HERC6: variants seen among roughly 807,000 people sequenced by gnomAD.
HERC6 encodes probable E3 ubiquitin-protein ligase HERC6.
HERC6 carries 101 observed loss-of-function variants against 114.5 expected under a neutral mutation model. The ratio of observed to expected loss-of-function variants is 0.88; its 90% CI spans 0.75 to 1.04. The LOEUF is 1.04. Among genes scored for constraint, HERC6 ranks in the 50% least tolerant of loss-of-function variants. The pLI, the probability that HERC6 is intolerant of heterozygous loss-of-function variation, is 0.00. For synonymous variants in HERC6, 408 were observed against 436.2 expected (o/e 0.94, Z 0.81); for missense variants, 1,133 against 1,230.9 (o/e 0.92, Z 1.19).
At chr4:88,429,079 G>A (rs556721030) in intron 16 of HERC6, among the ~76,000 whole-genome samples, 1 of 152,314 alleles carries the variant, frequency 6.6e-6, no homozygotes, top group Non-Finnish European at 1.5e-5. Context: ...TCATCTGGGT[G>A]GCTTTGCAAA....
At chr4:88,384,231 C>T in intron 2 of HERC6, among the ~76,000 whole-genome samples, 1 of 152,150 alleles carries the variant, frequency 6.6e-6, no homozygotes, top group Non-Finnish European at 1.5e-5. Context: ...ATTAAGGTGA[C>T]ATATATAAAA....
chr4:88,408,667 A>G lies in HERC6; in HGVS notation c.1368+50A>G. On this transcript the variant is annotated intron_variant, in intron 11 of 22. Transcript: ENST00000264346. ...TATAGAACAAATACGATTGCAGTTT[A>G]TTTTTGTTGGAAGCTGGGTGAGATG... 1.1e-5 allele frequency: 13 copies of G among 1,233,188 alleles called. 1 individual carries two copies. Among genetic ancestry groups the G allele is most frequent in the Non-Finnish European group, 1.5e-5 (13 of 858,914 alleles). The allele number at this position is 1,233,188 out of a possible 1,614,324, so 76.4% of individuals were successfully genotyped here.
chr4:88,383,248 T>C lies in HERC6; in HGVS notation c.227T>C (p.Ile76Thr), dbSNP rs774374759. ...CCAATTCAGGCATTGGAAACCCTAATTGTTGATCTCGTGAGCTGCGGGAAG... is the reference window on the plus strand; with the variant it reads ...CCAATTCAGGCATTGGAAACCCTAACTGTTGATCTCGTGAGCTGCGGGAAG... ...PEPIQALETL[I>T]VDLVSCGKEH... The change falls in exon 2 of 23, where the codon ATT becomes ACT. Residue 76 changes from isoleucine (I) to threonine (T), a missense_variant. Around this residue, in one of 3 missense-constraint regions of HERC6, gnomAD observed 735 missense variants for 754.0 expected, o/e 0.97. Coordinates refer to ENST00000264346, the MANE Select transcript of HERC6 (RefSeq NM_017912.4). The C allele has an allele frequency of 5.0e-6, 8 of 1,610,130 alleles. No homozygotes were observed. The highest frequency in any genetic ancestry group is 5.1e-6 in the Non-Finnish European group (6 of 1,178,346).
At chr4:88,399,712 GT>G (rs1735435974) in intron 8 of HERC6, 1 of 151,744 alleles carries the variant, frequency 6.6e-6, no homozygotes, top group African/African-American at 2.4e-5. Flanking sequence ...GGAGGTTGCA[GT>G]GGGCTGAGAT....
chr4:88,396,934 A>C lies in HERC6; in HGVS notation c.971A>C (p.His324Pro). The change falls in exon 7 of 23, where the codon CAT (histidine) becomes CCT (proline). Residue 324 changes from histidine (H) to proline (P), a missense_variant. Physicochemically the swap from His to Pro is moderately conservative, Grantham distance 77 (BLOSUM62 -2). Around this residue, in one of 3 missense-constraint regions of HERC6, gnomAD observed 735 missense variants for 754.0 expected, o/e 0.97. Transcript: ENST00000264346. ...CCAAGTGACACAAGCAAGCCAACTC[A>C]TCCGGAGGCCCTGACAGAGAACTTT... ...HGPSDTSKPT[H>P]PEALTENFDI... 1 of 1,612,488 alleles carries C rather than the reference A, an allele frequency of 6.2e-7. No homozygotes were observed. Among genetic ancestry groups the C allele is most frequent in the Non-Finnish European group, 8.5e-7 (1 of 1,178,970 alleles).
At chr4:88,384,858 A>G (rs1278248185) in intron 2 of HERC6, among the ~76,000 whole-genome samples, 1 of 152,002 alleles carries the variant, frequency 6.6e-6, no homozygotes, top group African/African-American at 2.4e-5. Flanking sequence ...CGTCTATACT[A>G]AAAATACAAA....
chr4:88,394,236 A>G (rs549278074), intron 5 of HERC6, among the ~76,000 whole-genome samples: 64 of 152,194 alleles, frequency 4.2e-4, no homozygotes, highest in African/African-American at 1.5e-3. Context: ...GCACTTTGGG[A>G]GGCCAAGGCG....
In HERC6 at chr4:88,441,137, T is replaced by C. The variant is rs183499868; in HGVS notation, c.2842+887T>C. On this transcript the variant is annotated intron_variant, in intron 22 of 22. Coordinates refer to ENST00000264346, the MANE Select transcript of HERC6 (RefSeq NM_017912.4). ...CTCTTTCCTCACTTCAGCTGGCTCC[T>C]AAGCCTTTTATCTCATGTTCCTATC... 4.3e-3 allele frequency among the ~76,000 whole-genome samples: 658 copies of C among 152,286 alleles called. 3 individuals are homozygous for C. Among genetic ancestry groups the C allele is most frequent in the Non-Finnish European group, 7.4e-3 (505 of 68,018 alleles).
At position 88,408,532 on chromosome 4, in the gene HERC6, GA is replaced by G; in HGVS notation, c.1284del (p.Glu429LysfsTer9). 6.3e-7 allele frequency: 1 copy of G among 1,594,670 alleles called. No homozygotes were observed. The highest frequency in any genetic ancestry group is 1.1e-5 in the South Asian group (1 of 87,704). ...TASFLKKRGT[G>X]ETTSIDVDLE... ...ATTTCTTGTATCCAAAGAGGAACTG[GA>G]GAAACGACTTCCATTGATGTGGACT... On this transcript the variant is annotated frameshift_variant, in exon 11 of 23. Transcript: ENST00000264346. LOFTEE classifies it high-confidence loss of function.
intron 2 of HERC6, 100 bp downstream of exon 2, chr4:88,383,480 C>A: frequency 1.1e-6 from 1 of 920,700 alleles, no homozygotes; most frequent in Non-Finnish European, 1.5e-6. Flanking sequence ...TATGACAGGC[C>A]AGCTGCAGTG....
At position 88,408,514 on chromosome 4, in the gene HERC6, G is replaced by C; in HGVS notation, c.1275-10G>C. The C allele has an allele frequency of 6.5e-7, 1 of 1,549,268 alleles. No individual in the cohort carries two copies. The highest frequency in any genetic ancestry group is 8.8e-7 in the Non-Finnish European group (1 of 1,130,416). On this transcript the variant is annotated splice_polypyrimidine_tract_variant and intron_variant, in intron 10 of 22. Coordinates refer to ENST00000264346, the MANE Select transcript of HERC6 (RefSeq NM_017912.4). ...GTTTATGTGGTTTCTTGCATTTCTT[G>C]TATCCAAAGAGGAACTGGAGAAACG...
intron 4 of HERC6, among the ~76,000 whole-genome samples, chr4:88,392,538 T>C (rs1734976310): frequency 2.0e-5 from 3 of 152,176 alleles, no homozygotes; most frequent in African/African-American, 7.2e-5. Context: ...AGAGCATCTA[T>C]TGTGTGACAG....
chr4:88,381,626 C>T (rs187614936), intron 1 of HERC6, among the ~76,000 whole-genome samples: 26 of 143,552 alleles, frequency 1.8e-4, no homozygotes, highest in Non-Finnish European at 3.3e-4. Context: ...GGCACTATCT[C>T]GGCTCACTGC....
At chr4:88,427,753 C>T (rs1737773194) in intron 15 of HERC6, among the ~76,000 whole-genome samples, 1 of 152,126 alleles carries the variant, frequency 6.6e-6, no homozygotes, top group African/African-American at 2.4e-5. Context: ...CTTGCTGTCA[C>T]GATTTCAGGA....
rs1410124169 is a variant in HERC6 at position 88,390,523 on chromosome 4, T to C, written c.437-129T>C. On this transcript the variant is annotated intron_variant, in intron 3 of 22. Transcript: ENST00000264346. ...AGCTCATCATATTGTATACCTTAAA[T>C]AGATGAAATTTTTATTTGTCAATTA... The C allele has an allele frequency of 2.2e-5, 18 of 813,168 alleles. No homozygotes were observed. The Admixed American group carries it at 5.0e-4, about 23-fold the overall frequency. 50.4% of individuals were successfully genotyped at this position (813,168 alleles called of 1,614,324 possible). A position where few individuals can be genotyped will look rare whatever the true frequency, so the allele number is the denominator to read the frequency against.
At chr4:88,430,359 A>C (rs547310245) in intron 16 of HERC6, among the ~76,000 whole-genome samples, 1 of 151,940 alleles carries the variant, frequency 6.6e-6, no homozygotes, top group East Asian at 1.9e-4. Flanking sequence ...GTGGGGGCCA[A>C]GGTGGGCGGA....
intron 13 of HERC6, among the ~76,000 whole-genome samples, chr4:88,418,899 G>A (rs1736768260): frequency 6.6e-6 from 1 of 152,052 alleles, no homozygotes; most frequent in Non-Finnish European, 1.5e-5. Context: ...GATAATTTTT[G>A]TATGTTTAAT....
intron 17 of HERC6, among the ~76,000 whole-genome samples, chr4:88,433,092 A>C (rs1163869770): frequency 2.6e-5 from 4 of 152,314 alleles, no homozygotes; most frequent in African/African-American, 4.8e-5. Flanking sequence ...CATCTCAAAA[A>C]AGAAAAGTAA....
At chr4:88,399,382 A>G (rs577407197) in intron 8 of HERC6, 1 of 152,324 alleles carries the variant, frequency 6.6e-6, no homozygotes, top group South Asian at 2.1e-4. Context: ...TGCCTGGGAC[A>G]AAAGTGAATA....
Sources: allele counts gnomAD v4.1 joint callset (sites outside exome capture counted in the v4.1 genomes callset), GRCh38; gene constraint gnomAD v4.1.1; regional missense constraint gnomAD v4.1.1; transcripts MANE v1.5; gene names NCBI Gene and HGNC (gene_info 2026-07-23, HGNC 2026-07-21).